Variants in TMCO4 observed in about 807,000 individuals in gnomAD.
TMCO4 encodes the protein transmembrane and coiled-coil domain-containing protein 4.
Under a neutral mutation model 64.7 loss-of-function variants are expected in TMCO4, and 58 were observed. The observed-to-expected ratio is 0.90, with a 90% confidence interval of 0.73 to 1.12. TMCO4 has a LOEUF of 1.12. TMCO4 is among the 50% of genes most tolerant of loss of function. The pLI is 0.00. For missense variants in TMCO4, 780 were observed against 825.9 expected (o/e 0.94, Z 0.68); for synonymous variants, 325 against 346.1 (o/e 0.94, Z 0.68).
chr1:19,717,654 C>T lies in TMCO4; in HGVS notation c.1265-16769G>A, dbSNP rs9804052. ...CTCTGGACTTTGGGTATTGCCAGTCCTGCGCCCTCCGGCCTTCTGCCTGCC... is the reference window on the plus strand; with the variant it reads ...CTCTGGACTTTGGGTATTGCCAGTCTTGCGCCCTCCGGCCTTCTGCCTGCC... On this transcript the variant is annotated intron_variant, in intron 13 of 15. Coordinates refer to ENST00000294543, the MANE Select transcript of TMCO4 (RefSeq NM_181719.7). Among the ~76,000 whole-genome samples the T allele has an allele frequency of 7.1e-3, 1,081 of 152,280 alleles. 12 individuals are homozygous for T. Among genetic ancestry groups the T allele is most frequent in the African/African-American group, 0.024 (1,006 of 41,558 alleles).
intron 13 of TMCO4, among the ~76,000 whole-genome samples, chr1:19,709,066 G>A (rs2095316881): frequency 6.6e-6 from 1 of 152,072 alleles, no homozygotes; most frequent in Non-Finnish European, 1.5e-5. Context: ...AAGGGAGGGG[G>A]GACCAAGAAA....
At chr1:19,783,807 G>T (rs1318648613) in intron 3 of TMCO4, among the ~76,000 whole-genome samples, 1 of 152,204 alleles carries the variant, frequency 6.6e-6, no homozygotes, top group East Asian at 1.9e-4. Context: ...GTTTCAGATG[G>T]AGAAACGGAG....
At chr1:19,704,657 C>T (rs772052804) in intron 13 of TMCO4, among the ~76,000 whole-genome samples, 1 of 152,248 alleles carries the variant, frequency 6.6e-6, no homozygotes, top group Non-Finnish European at 1.5e-5. Flanking sequence ...AGAGTCTGCC[C>T]TGCTAAGAGC....
intron 10 of TMCO4, among the ~76,000 whole-genome samples, chr1:19,744,762 T>C (rs1460955179): frequency 5.9e-5 from 9 of 152,192 alleles, no homozygotes; most frequent in Admixed American, 2.0e-4. Context: ...CTTAGCCTAA[T>C]GTCACTTCCT....
chr1:19,753,894 G>A lies in TMCO4; in HGVS notation c.515+1740C>T, dbSNP rs565718617. On this transcript the variant is annotated intron_variant, in intron 7 of 15. Transcript: ENST00000294543. The stretch of plus-strand genomic sequence containing the variant: ...ATAGACTACAATAGGGTCTATAATA[G>A]TTTATAAAAGGGTCTATAATAACAC... 8.5e-5 allele frequency among the ~76,000 whole-genome samples: 13 copies of A among 152,290 alleles called. No homozygotes were observed. The East Asian group carries it at 2.3e-3, about 27-fold the overall frequency.
At chr1:19,750,633 CACTT>C (rs1366588060) in intron 7 of TMCO4, among the ~76,000 whole-genome samples, 2 of 152,210 alleles carry the variant, frequency 1.3e-5, no homozygotes, top group Non-Finnish European at 2.9e-5. Flanking sequence ...CCCGATGTGA[CACTT>C]ACGCCCTCTG....
chr1:19,719,220 C>T (rs573399155), intron 13 of TMCO4, among the ~76,000 whole-genome samples: 4 of 152,254 alleles, frequency 2.6e-5, no homozygotes, highest in South Asian at 2.1e-4. Context: ...CAGAGACATC[C>T]GAGGCTCTGT....
chr1:19,685,097 G>A (rs1479410872), intron 15 of TMCO4, among the ~76,000 whole-genome samples: 2 of 152,162 alleles, frequency 1.3e-5, no homozygotes, highest in Non-Finnish European at 2.9e-5. Context: ...GGCCAAGGTG[G>A]GAAAATCACT....
At chr1:19,718,960 A>G (rs954144421) in intron 13 of TMCO4, among the ~76,000 whole-genome samples, 1 of 152,182 alleles carries the variant, frequency 6.6e-6, no homozygotes, top group African/African-American at 2.4e-5. Context: ...CACACAACGT[A>G]AAACCACTCA....
rs1557574607 is a variant in TMCO4 at position 19,755,685 on chromosome 1, A to C, written c.464T>G (p.Leu155Arg). Residue 155 changes from leucine (L) to arginine (R), a missense_variant, in exon 7 of 16, where the codon CTT (leucine) becomes CGT (arginine). By Grantham distance (102) the Leu-to-Arg change is moderately radical (BLOSUM62 -2). Transcript: ENST00000294543. ...CAGGCTCTCCAGGAACATCTCTTCA[A>C]GGACATCCAGCTCCTCCAAGGGCAC... ...LQVPLEELDV[L>R]EEMFLESLKE... 2.5e-6 allele frequency: 4 copies of C among 1,614,126 alleles called. No homozygotes were observed. Among genetic ancestry groups the C allele is most frequent in the Non-Finnish European group, 3.4e-6 (4 of 1,180,020 alleles).
At chr1:19,741,986 G>A (rs771572661) in intron 10 of TMCO4, among the ~76,000 whole-genome samples, 2 of 151,844 alleles carry the variant, frequency 1.3e-5, no homozygotes, top group African/African-American at 4.8e-5. Flanking sequence ...TGATCCACCC[G>A]CCTCGGCCTC....
intron 13 of TMCO4, among the ~76,000 whole-genome samples, chr1:19,730,724 A>G (rs977875684): frequency 6.6e-6 from 1 of 152,218 alleles, no homozygotes; most frequent in Admixed American, 6.5e-5. Context: ...AAGACAGTTA[A>G]TTCTACAGGC....
At chr1:19,785,929 A>G (rs768702356) in intron 3 of TMCO4, among the ~76,000 whole-genome samples, 8 of 152,182 alleles carry the variant, frequency 5.3e-5, no homozygotes, top group Non-Finnish European at 7.4e-5. Flanking sequence ...GGTATTCCTT[A>G]GAGGAAACAG....
intron 4 of TMCO4, among the ~76,000 whole-genome samples, chr1:19,778,664 T>C (rs2043320610): frequency 1.3e-5 from 2 of 152,222 alleles, no homozygotes; most frequent in South Asian, 4.1e-4. Flanking sequence ...TTAAATAAAC[T>C]GCTCGAGGTC....
At chr1:19,766,488 C>T (rs982475200) in intron 6 of TMCO4, among the ~76,000 whole-genome samples, 1 of 152,194 alleles carries the variant, frequency 6.6e-6, no homozygotes. Context: ...CAAGGTCACA[C>T]GCAAGAGTCT....
intron 13 of TMCO4, among the ~76,000 whole-genome samples, chr1:19,729,176 A>C (rs186324892): frequency 1.7e-4 from 26 of 152,080 alleles, no homozygotes; most frequent in Non-Finnish European, 3.4e-4. Flanking sequence ...TTGAGACAGA[A>C]TCTTGCTGTG....
At chr1:19,778,681 G>A (rs2043321799) in intron 4 of TMCO4, among the ~76,000 whole-genome samples, 1 of 152,218 alleles carries the variant, frequency 6.6e-6, no homozygotes. Context: ...GGTCACATGA[G>A]ACTGGAAAGT....
At chr1:19,685,713 T>TTC (rs2095142889) in intron 15 of TMCO4, among the ~76,000 whole-genome samples, 1 of 82,170 alleles carries the variant, frequency 1.2e-5, no homozygotes, top group African/African-American at 5.7e-5. Flanking sequence ...CCTGTTTCTT[T>TTC]TTTTTTTTTT....
At chr1:19,694,083 C>T (rs1883569) in intron 15 of TMCO4, among the ~76,000 whole-genome samples, 110,874 of 152,040 alleles carry the variant, frequency 0.73, 41,389 homozygotes, top group Non-Finnish European at 0.82. Context: ...CTCACTGCAG[C>T]CTCCATCTCC....
Sources: gnomAD v4.1 joint callset for allele counts (sites outside exome capture counted in the v4.1 genomes callset) on GRCh38, gnomAD v4.1.1 for gene constraint, MANE v1.5 for transcripts, NCBI Gene and HGNC (gene_info 2026-07-23, HGNC 2026-07-21) for gene names.